The following MNAT1 variants were observed in gnomAD, a reference collection of about 807,000 sequenced individuals.
The protein encoded by MNAT1 is MNAT1 component of CDK activating kinase.
A neutral mutation model predicts 42.0 loss-of-function variants in MNAT1; 43 were observed. The observed-to-expected ratio is 1.02, with a 90% CI of 0.80 to 1.32. The LOEUF is 1.32. Ranked by LOEUF, MNAT1 falls within the 40% of genes most tolerant of loss-of-function variation. MNAT1 has a pLI of 0.00. For missense variants in MNAT1, 306 were observed against 350.4 expected, an observed-to-expected ratio of 0.87 and a Z score of 1.01; for synonymous variants, 118 against 120.0, an observed-to-expected ratio of 0.98 and a Z score of 0.11.
chr14:60,869,040 A>ATATATATATATATATTTTTTTTT (rs1465360826), intron 6 of MNAT1, among the ~76,000 whole-genome samples: 3 of 113,026 alleles, frequency 2.7e-5, no homozygotes, highest in African/African-American at 6.8e-5. Context: ...ATATATATAT[A>ATATATATATATATATTTTTTTTT]TTTTTTTTTT....
chr14:60,748,283 TGCAGGG>T (rs1277605967), intron 1 of MNAT1, among the ~76,000 whole-genome samples: 3 of 152,022 alleles, frequency 2.0e-5, no homozygotes, highest in Admixed American at 2.0e-4. Flanking sequence ...CAGGCTGGAG[TGCAGGG>T]GCATGATCAC....
chr14:60,818,880 T>C (rs563141233), intron 6 of MNAT1, 33 bp downstream of exon 6: 3 of 1,600,810 alleles, frequency 1.9e-6, no homozygotes, highest in Non-Finnish European at 2.6e-6. Context: ...GTTTGAAAGA[T>C]ATTTTTTCAA....
At chr14:60,780,642 T>C in intron 1 of MNAT1, 1 of 1,179,620 alleles carries the variant, frequency 8.5e-7, no homozygotes, top group Non-Finnish European at 1.2e-6. Context: ...AATGTGGTTT[T>C]CCTGAAATCA....
rs988092576 is a variant in MNAT1 at position 60,740,348 on chromosome 14, C to T, written c.89+5397C>T. Among the ~76,000 whole-genome samples the T allele has an allele frequency of 3.3e-5, 5 of 151,728 alleles. No individual in the cohort carries two copies. The highest frequency in any genetic ancestry group is 1.2e-4 in the African/African-American group (5 of 41,288). ...AACATCTTTCTCTTTCTTTTTTTCC[C>T]TTTTTTTTCTGTTCTCCTATTTCTC... On this transcript the variant is annotated intron_variant, in intron 1 of 7. Coordinates refer to ENST00000261245, the MANE Select transcript of MNAT1 (RefSeq NM_002431.4). This position sits in a 1 kb window ranked among gnomAD's most constrained non-coding sequence, Gnocchi z 4.1.
chr14:60,780,061 C>G, intron 1 of MNAT1: 1 of 1,486,710 alleles, frequency 6.7e-7, no homozygotes, highest in Non-Finnish European at 9.4e-7. Context: ...CATTCGGCAT[C>G]AACAGCATTT....
At chr14:60,777,812 A>G (rs1180078420) in intron 1 of MNAT1, among the ~76,000 whole-genome samples, 1 of 152,182 alleles carries the variant, frequency 6.6e-6, no homozygotes, top group Non-Finnish European at 1.5e-5. Context: ...TATCTTCTAT[A>G]GATGCTATCT....
chr14:60,821,540 T>A (rs1594778469), intron 6 of MNAT1, among the ~76,000 whole-genome samples: 1 of 152,218 alleles, frequency 6.6e-6, no homozygotes, highest in East Asian at 1.9e-4. Context: ...TGTGACTTTA[T>A]GGTGTTTACT....
At chr14:60,875,479 C>T (rs2034416217) in intron 6 of MNAT1, among the ~76,000 whole-genome samples, 1 of 152,058 alleles carries the variant, frequency 6.6e-6, no homozygotes, top group Admixed American at 6.6e-5. Context: ...TGATCTTGCT[C>T]AGTCACAATA....
chr14:60,804,880 C>T (rs1470175643), intron 3 of MNAT1, among the ~76,000 whole-genome samples: 5 of 152,012 alleles, frequency 3.3e-5, no homozygotes, highest in African/African-American at 1.2e-4. Flanking sequence ...TTTCTGGGCT[C>T]TATTTAATGG....
intron 7 of MNAT1, among the ~76,000 whole-genome samples, chr14:60,898,850 G>A (rs1208283435): frequency 6.6e-6 from 1 of 152,014 alleles, no homozygotes; most frequent in Non-Finnish European, 1.5e-5. Flanking sequence ...GTCCTCAAGT[G>A]TTTCCCCTTT....
At chr14:60,906,081 G>A (rs1466394857) in intron 7 of MNAT1, among the ~76,000 whole-genome samples, 1 of 152,170 alleles carries the variant, frequency 6.6e-6, no homozygotes, top group Non-Finnish European at 1.5e-5. Context: ...ACCTGAATTA[G>A]CAAAGAAATG....
At chr14:60,918,758 T>TATATATA (rs371722863) in intron 7 of MNAT1, among the ~76,000 whole-genome samples, 5,153 of 142,294 alleles carry the variant, frequency 0.036, 141 homozygotes, top group East Asian at 0.087. Flanking sequence ...ATATATATAT[T>TATATATA]TTTGTCCTTA....
intron 6 of MNAT1, among the ~76,000 whole-genome samples, chr14:60,862,609 T>G (rs2034122334): frequency 6.6e-6 from 1 of 152,198 alleles, no homozygotes; most frequent in African/African-American, 2.4e-5. Flanking sequence ...CATGTACAGT[T>G]GAATGAAAGC....
chr14:60,759,495 A>C (rs1452703302), intron 1 of MNAT1, among the ~76,000 whole-genome samples: 1 of 152,166 alleles, frequency 6.6e-6, no homozygotes, highest in Non-Finnish European at 1.5e-5. Context: ...TTTGTTGAAA[A>C]ACTGCTAGAT....
In MNAT1 at chr14:60,818,848, G is replaced by T; in HGVS notation, c.687+1G>T. The T allele has an allele frequency of 1.2e-6, 2 of 1,608,892 alleles. No individual in the cohort carries two copies. Among genetic ancestry groups the T allele is most frequent in the Non-Finnish European group, 1.7e-6 (2 of 1,177,936 alleles). ...GACGTTTTCCACAGGCATCAAAATG[G>T]TAAGCCTTATTTTAATTGCTTGTTT... On this transcript the variant is annotated splice_donor_variant, in intron 6 of 7. Transcript: ENST00000261245. LOFTEE classifies it high-confidence loss of function.
At chr14:60,918,122 T>G (rs2139544579) in intron 7 of MNAT1, among the ~76,000 whole-genome samples, 1 of 151,972 alleles carries the variant, frequency 6.6e-6, no homozygotes, top group East Asian at 1.9e-4. Context: ...ACCATCTTTT[T>G]TATTCCATAA....
intron 7 of MNAT1, among the ~76,000 whole-genome samples, chr14:60,953,030 T>C (rs140963339): frequency 7.9e-5 from 12 of 151,838 alleles, no homozygotes; most frequent in African/African-American, 2.7e-4. Context: ...GAGGAAAATG[T>C]TGAGGAGGAT....
At chr14:60,822,859 C>T (rs970355145) in intron 6 of MNAT1, among the ~76,000 whole-genome samples, 3 of 152,012 alleles carry the variant, frequency 2.0e-5, no homozygotes, top group Admixed American at 6.6e-5. Flanking sequence ...TGGGCTCAAG[C>T]GATTCTCCCA....
chr14:60,949,069 T>C (rs1179609750), intron 7 of MNAT1, among the ~76,000 whole-genome samples: 1 of 152,230 alleles, frequency 6.6e-6, no homozygotes, highest in East Asian at 1.9e-4. Flanking sequence ...TAATTTTAAG[T>C]ATATCTTTAA....
Sources: gnomAD v4.1 joint callset for allele counts (sites outside exome capture counted in the v4.1 genomes callset) on GRCh38, gnomAD v4.1.1 for gene constraint, Gnocchi (gnomAD v3.1) non-coding constraint, MANE v1.5 for transcripts, NCBI Gene and HGNC (gene_info 2026-07-23, HGNC 2026-07-21) for gene names.